Variants in ATP8A1 observed in about 807,000 individuals in gnomAD.
ATP8A1 encodes the protein ATPase phospholipid transporting 8A1.
A neutral mutation model predicts 177.7 loss-of-function variants in ATP8A1; 90 were observed. That is an observed-to-expected ratio of 0.51 (90% CI 0.43 to 0.60). The LOEUF (loss-of-function observed/expected upper bound fraction) is 0.60, where lower values mean the gene tolerates loss of function less well. Ranked by LOEUF, ATP8A1 falls within the 20% of genes least tolerant of loss-of-function variation. The pLI is 0.00. For synonymous variants in ATP8A1, 493 were observed against 485.9 expected (o/e 1.01, Z -0.19); for missense variants, 1,072 against 1,392.8 (o/e 0.77, Z 3.67).
chr4:42,444,468 G>T, intron 32 of ATP8A1, 110 bp downstream of exon 32: 1 of 1,031,046 alleles, frequency 9.7e-7, no homozygotes, highest in Non-Finnish European at 1.5e-6. Context: ...CTGTGGACTA[G>T]GACATATTAA....
chr4:42,460,735 T>C (rs1290890000), intron 27 of ATP8A1, among the ~76,000 whole-genome samples: 2 of 152,114 alleles, frequency 1.3e-5, no homozygotes, highest in African/African-American at 4.8e-5. Flanking sequence ...ACAGATTAAA[T>C]GGTAAAGTGG....
chr4:42,522,037 G>A, intron 22 of ATP8A1, 123 bp downstream of exon 22: 1 of 1,058,788 alleles, frequency 9.4e-7, no homozygotes, highest in Non-Finnish European at 1.3e-6. Context: ...GATGATGAGA[G>A]GGTATTCAAT....
At chr4:42,614,876 A>T (rs894931853) in intron 5 of ATP8A1, among the ~76,000 whole-genome samples, 1 of 152,082 alleles carries the variant, frequency 6.6e-6, no homozygotes, top group Non-Finnish European at 1.5e-5. Context: ...CTCTCTGTTC[A>T]TCCAATGTCC....
At chr4:42,414,152 A>G (rs1247221045) in intron 36 of ATP8A1, among the ~76,000 whole-genome samples, 1 of 152,254 alleles carries the variant, frequency 6.6e-6, no homozygotes, top group Admixed American at 6.5e-5. Context: ...AGGGCTTTAC[A>G]TTTTATATTC....
chr4:42,417,071 C>T (rs1178900627), intron 35 of ATP8A1, among the ~76,000 whole-genome samples: 1 of 152,026 alleles, frequency 6.6e-6, no homozygotes, highest in Non-Finnish European at 1.5e-5. Flanking sequence ...TTGCTTTAGT[C>T]CTGTAGAGCA....
intron 24 of ATP8A1, among the ~76,000 whole-genome samples, chr4:42,494,244 G>A (rs373664902): frequency 1.0e-3 from 148 of 148,332 alleles, no homozygotes; most frequent in African/African-American, 3.2e-3. Flanking sequence ...AGGCCGAGGC[G>A]GGTGGATCAC....
intron 36 of ATP8A1, 33 bp from the exon 37 acceptor site, chr4:42,413,046 A>C (rs775563135): frequency 2.7e-5 from 42 of 1,582,264 alleles, no homozygotes; most frequent in Non-Finnish European, 3.5e-5. Flanking sequence ...AAATTCTCAC[A>C]AAGGCACTGG....
chr4:42,481,323 T>A (rs745698745), intron 25 of ATP8A1, among the ~76,000 whole-genome samples: 1 of 152,166 alleles, frequency 6.6e-6, no homozygotes, highest in African/African-American at 2.4e-5. Context: ...GAAGGGGGCA[T>A]GTGTGTATTT....
chr4:42,644,338 G>A (rs1439866592), intron 1 of ATP8A1, among the ~76,000 whole-genome samples: 1 of 152,068 alleles, frequency 6.6e-6, no homozygotes, highest in Non-Finnish European at 1.5e-5. Context: ...GTCAACAAAA[G>A]GCCAACTCAT....
chr4:42,633,700 C>T (rs553974561), intron 1 of ATP8A1, among the ~76,000 whole-genome samples: 5 of 152,206 alleles, frequency 3.3e-5, no homozygotes, highest in Non-Finnish European at 7.4e-5. Context: ...AAGGACCCAG[C>T]GAGTAAATAT....
chr4:42,554,920 C>G (rs995762176), intron 16 of ATP8A1, among the ~76,000 whole-genome samples: 2 of 152,160 alleles, frequency 1.3e-5, no homozygotes, highest in African/African-American at 4.8e-5. Flanking sequence ...GGCTTAGCCT[C>G]CCAGCCTACA....
chr4:42,522,305 A>G lies in ATP8A1; in HGVS notation c.1808-6T>C. 2 of 1,612,840 alleles carry G rather than the reference A, an allele frequency of 1.2e-6. No individual in the cohort carries two copies. Among genetic ancestry groups the G allele is most frequent in the South Asian group, 1.1e-5 (1 of 90,976 alleles). ...AAAACATAAAGTTCTTAACCCTGAAAAAGATAGCATACATCACCCCAACAC... is the reference window on the plus strand; with the variant it reads ...AAAACATAAAGTTCTTAACCCTGAAGAAGATAGCATACATCACCCCAACAC... On this transcript the variant is annotated splice_polypyrimidine_tract_variant and splice_region_variant and intron_variant, in intron 21 of 36. Coordinates refer to ENST00000381668, the MANE Select transcript of ATP8A1 (RefSeq NM_006095.2).
At chr4:42,433,954 T>G (rs1715612750) in intron 33 of ATP8A1, among the ~76,000 whole-genome samples, 1 of 152,128 alleles carries the variant, frequency 6.6e-6, no homozygotes, top group Non-Finnish European at 1.5e-5. Context: ...AAAAAATTTT[T>G]TGACTATATA....
chr4:42,447,168 A>G (rs970206409), intron 30 of ATP8A1, among the ~76,000 whole-genome samples: 2 of 152,200 alleles, frequency 1.3e-5, no homozygotes, highest in Non-Finnish European at 2.9e-5. Flanking sequence ...GCAATGACTA[A>G]CAAACGTGGC....
At chr4:42,475,077 C>T (rs1720899746) in intron 25 of ATP8A1, among the ~76,000 whole-genome samples, 1 of 152,138 alleles carries the variant, frequency 6.6e-6, no homozygotes, top group African/African-American at 2.4e-5. Context: ...AACGAGGAAT[C>T]CAAGGCACAA....
At chr4:42,455,040 A>G (rs191627299) in intron 29 of ATP8A1, among the ~76,000 whole-genome samples, 157 of 152,284 alleles carry the variant, frequency 1.0e-3, no homozygotes, top group South Asian at 2.3e-3. Flanking sequence ...GGCCAGCTTT[A>G]TTGCTGCCTT....
intron 27 of ATP8A1, among the ~76,000 whole-genome samples, chr4:42,464,485 G>A (rs1333596577): frequency 6.6e-6 from 1 of 152,010 alleles, no homozygotes; most frequent in East Asian, 1.9e-4. Flanking sequence ...AGCTGGTCTC[G>A]AACTCCCGAC....
At chr4:42,485,460 C>T in intron 25 of ATP8A1, 36 bp downstream of exon 25, 7 of 1,550,858 alleles carry the variant, frequency 4.5e-6, no homozygotes, top group Non-Finnish European at 6.1e-6. Context: ...TCAAGTCATT[C>T]TTTACTAAAA....
chr4:42,594,805 T>G (rs1170098959), intron 6 of ATP8A1, among the ~76,000 whole-genome samples: 1 of 152,112 alleles, frequency 6.6e-6, no homozygotes, highest in Non-Finnish European at 1.5e-5. Flanking sequence ...AAAATGAGTT[T>G]GAGATTCTGA....
Sources: gnomAD v4.1 joint callset for allele counts (sites outside exome capture counted in the v4.1 genomes callset) on GRCh38, gnomAD v4.1.1 for gene constraint, MANE v1.5 for transcripts, NCBI Gene and HGNC (gene_info 2026-07-23, HGNC 2026-07-21) for gene names.